Variants in SPAG6 observed in about 807,000 individuals in gnomAD.
SPAG6 encodes sperm-associated antigen 6.
SPAG6 carries 49 observed loss-of-function variants against 58.5 expected under a neutral mutation model. The observed-to-expected ratio is 0.84, with a 90% CI of 0.67 to 1.06. The LOEUF is 1.06. SPAG6 is among the 50% of genes least tolerant of loss of function. The pLI is 0.00. For synonymous variants in SPAG6, 233 were observed against 225.6 expected (o/e 1.03, Z -0.29); for missense variants, 560 against 611.3 (o/e 0.92, Z 0.89).
At chr10:22,356,603 T>A (rs1045202498) in intron 2 of SPAG6, among the ~76,000 whole-genome samples, 2 of 152,220 alleles carry the variant, frequency 1.3e-5, no homozygotes, top group Non-Finnish European at 2.9e-5. Context: ...CAGTATGAAT[T>A]TATTGAGGCT....
chr10:22,408,934 A>C (rs996519489), intron 9 of SPAG6, among the ~76,000 whole-genome samples: 1 of 152,192 alleles, frequency 6.6e-6, no homozygotes, highest in Non-Finnish European at 1.5e-5. Flanking sequence ...TTTGACTAGG[A>C]AAGGGAACTC....
intron 10 of SPAG6, among the ~76,000 whole-genome samples, chr10:22,413,688 G>GATATATATAT (rs59765652): frequency 0.027 from 3,860 of 141,566 alleles, 289 homozygotes; most frequent in African/African-American, 0.1. Context: ...TCAAATTTCT[G>GATATATATAT]ATATATATAT....
chr10:22,360,783 A>G lies in SPAG6; in HGVS notation c.122-4070A>G. The G allele has an allele frequency of 3.3e-6, 5 of 1,529,424 alleles. No homozygotes were observed. The South Asian group carries it at 4.8e-5, about 15-fold the overall frequency. 94.7% of individuals were successfully genotyped at this position (1,529,424 alleles called of 1,614,324 possible). A position where few individuals can be genotyped will look rare whatever the true frequency, so the allele number is the denominator to read the frequency against. ...GCCTTGTTTATCAGATATTGTGGCAACTATTCAGACTGCTTTAATTTGTGA... is the reference window on the plus strand; with the variant it reads ...GCCTTGTTTATCAGATATTGTGGCAGCTATTCAGACTGCTTTAATTTGTGA... On this transcript the variant is annotated intron_variant, in intron 2 of 10. Coordinates refer to ENST00000376624, the MANE Select transcript of SPAG6 (RefSeq NM_012443.4).
chr10:22,395,226 G>A (rs959292628), intron 8 of SPAG6, among the ~76,000 whole-genome samples: 27 of 152,014 alleles, frequency 1.8e-4, no homozygotes, highest in African/African-American at 5.8e-4. Context: ...ACAAGTTTTC[G>A]TGTGGATGTA....
intron 4 of SPAG6, among the ~76,000 whole-genome samples, chr10:22,378,222 C>G (rs1191011037): frequency 4.6e-5 from 7 of 151,618 alleles, no homozygotes; most frequent in African/African-American, 1.7e-4. Context: ...TGCCACCACG[C>G]CTGGCTAATT....
chr10:22,414,198 GC>G (rs2130653644), intron 10 of SPAG6, among the ~76,000 whole-genome samples: 1 of 152,252 alleles, frequency 6.6e-6, no homozygotes, highest in Admixed American at 6.5e-5. Flanking sequence ...GACACAGTCT[GC>G]CATTCAGCAT....
chr10:22,383,059 A>G (rs1374964755), intron 4 of SPAG6, among the ~76,000 whole-genome samples: 2 of 152,240 alleles, frequency 1.3e-5, no homozygotes, highest in East Asian at 3.8e-4. Flanking sequence ...AAGATATATT[A>G]TAAAAATTTT....
rs375743518 is a variant in SPAG6, at chr10:22,397,209, GACAC to G, written c.1198-3941_1198-3938del. On this transcript the variant is annotated intron_variant, in intron 8 of 10. Transcript: ENST00000376624. ...AAATCCTAAGGAATTCACACACACA[GACAC>G]ACACACACACGCACACACACAAATC... Among the ~76,000 whole-genome samples, 142 of 151,342 alleles carry G rather than the reference GACAC, an allele frequency of 9.4e-4. 1 individual carries two copies. In the Middle Eastern group the frequency reaches 0.01, roughly 11 times the overall value.
At chr10:22,347,612 T>G (rs146925131) in intron 2 of SPAG6, among the ~76,000 whole-genome samples, 7 of 152,306 alleles carry the variant, frequency 4.6e-5, no homozygotes, top group African/African-American at 1.7e-4. Flanking sequence ...TACATAACTT[T>G]TAAGATACGG....
Position 22,401,213 on chromosome 10 carries a change from T to C in SPAG6, c.1250T>C (p.Leu417Pro). ...ILQKCTYLPA[L>P]EPFLYDAPPN... ...CAAAAATGTACCTACTTACCAGCCC[T>C]TGAACCATTTCTATATGATGCTCCT... The change falls in exon 9 of 11, where the codon CTT becomes CCT. Residue 417 changes from leucine to proline, a missense_variant. By Grantham distance (98) the Leu-to-Pro change is moderately conservative. Coordinates refer to ENST00000376624, the MANE Select transcript of SPAG6 (RefSeq NM_012443.4). The C allele has an allele frequency of 6.2e-7, 1 of 1,609,626 alleles. No individual in the cohort carries two copies. Among genetic ancestry groups the C allele is most frequent in the Non-Finnish European group, 8.5e-7 (1 of 1,176,112 alleles).
At chr10:22,412,328 G>A (rs1834761205) in intron 10 of SPAG6, 5 of 583,116 alleles carry the variant, frequency 8.6e-6, no homozygotes, top group Non-Finnish European at 1.5e-5. Flanking sequence ...CAACATGTCT[G>A]TTAATTCTTC....
chr10:22,386,815 G>C lies in SPAG6; in HGVS notation c.534G>C (p.Glu178Asp). Residue 178 changes from glutamate (E) to aspartate (D), a missense_variant, in exon 5 of 11, where the codon GAG becomes GAC. Transcript: ENST00000376624. Reference sequence around the variant, plus strand: ...CTCTTTTAGTACTCTGTATCCAGGAGCCAGAAATTGCTTTGAAAAGGATTG... The same window carrying C: ...CTCTTTTAGTACTCTGTATCCAGGACCCAGAAATTGCTTTGAAAAGGATTG... ...AVPLLVLCIQEPEIALKRIAA... is the reference protein window; with the variant it reads ...AVPLLVLCIQDPEIALKRIAA... 1 of 1,613,602 alleles carries C rather than the reference G, an allele frequency of 6.2e-7. No homozygotes were observed. The highest frequency in any genetic ancestry group is 8.5e-7 in the Non-Finnish European group (1 of 1,179,648).
intron 2 of SPAG6, chr10:22,360,797 T>G (rs1837012475): frequency 6.5e-7 from 1 of 1,534,114 alleles, no homozygotes; most frequent in Non-Finnish European, 8.7e-7. Flanking sequence ...TTCAGACTGC[T>G]TTAATTTGTG....
chr10:22,413,995 A>C (rs1469612512), intron 10 of SPAG6, among the ~76,000 whole-genome samples: 1 of 152,098 alleles, frequency 6.6e-6, no homozygotes, highest in Non-Finnish European at 1.5e-5. Flanking sequence ...TAATCTTTAA[A>C]TTTTTTTAAT....
chr10:22,350,831 A>G (rs1288242093), intron 2 of SPAG6, among the ~76,000 whole-genome samples: 1 of 152,200 alleles, frequency 6.6e-6, no homozygotes, highest in East Asian at 1.9e-4. Flanking sequence ...GCATAGCATA[A>G]TCAAAATTAT....
chr10:22,414,338 A>T lies in SPAG6; in HGVS notation c.1461-2281A>T, dbSNP rs556796865. On this transcript the variant is annotated intron_variant, in intron 10 of 10. Coordinates refer to ENST00000376624, the MANE Select transcript of SPAG6 (RefSeq NM_012443.4). ...ATAGCTGTGGTTGCTGGCCAGAGGG[A>T]AGGAATTTCCTGGTCTTATCTGGAG... 2.6e-5 allele frequency among the ~76,000 whole-genome samples: 4 copies of T among 152,290 alleles called. No homozygotes were observed. In the East Asian group the frequency reaches 7.7e-4, roughly 29 times the overall value.
At chr10:22,364,237 T>C (rs886707162) in intron 2 of SPAG6, among the ~76,000 whole-genome samples, 6 of 152,346 alleles carry the variant, frequency 3.9e-5, no homozygotes, top group Middle Eastern at 6.8e-3. Flanking sequence ...ATAGTTTTGT[T>C]ATAAAAGTTA....
intron 2 of SPAG6, chr10:22,359,503 C>T (rs1340471668): frequency 1.3e-5 from 2 of 153,026 alleles, no homozygotes; most frequent in African/African-American, 4.8e-5. Flanking sequence ...AAGTGATTCT[C>T]CTGCCTCAGT....
chr10:22,389,594 T>C (rs1834140378), intron 7 of SPAG6, among the ~76,000 whole-genome samples: 1 of 152,204 alleles, frequency 6.6e-6, no homozygotes, highest in African/African-American at 2.4e-5. Flanking sequence ...GAAGGATTAA[T>C]TGTACATATC....
Sources: gnomAD v4.1 joint callset for allele counts (sites outside exome capture counted in the v4.1 genomes callset) on GRCh38, gnomAD v4.1.1 for gene constraint, MANE v1.5 for transcripts, NCBI Gene and HGNC (gene_info 2026-07-23, HGNC 2026-07-21) for gene names.